The following PTPRD variants were observed in gnomAD, a reference collection of about 807,000 sequenced individuals.
The protein encoded by PTPRD is protein tyrosine phosphatase receptor type D.
A neutral mutation model predicts 214.5 loss-of-function variants in PTPRD; 34 were observed. The ratio of observed to expected loss-of-function variants is 0.16; its 90% confidence interval spans 0.12 to 0.21. PTPRD has a LOEUF of 0.21. Ranked by LOEUF, PTPRD falls within the 10% of genes least tolerant of loss-of-function variation. PTPRD has a pLI of 1.00. For missense variants in PTPRD, 2,545 were observed against 2,398.7 expected, an observed-to-expected ratio of 1.06 and a Z score of -1.27; for synonymous variants, 1,128 against 845.7, an observed-to-expected ratio of 1.33 and a Z score of -5.79.
At chr9:9,815,702 T>A (rs901631833) in intron 5 of PTPRD, among the ~76,000 whole-genome samples, 1 of 152,092 alleles carries the variant, frequency 6.6e-6, no homozygotes, top group Non-Finnish European at 1.5e-5. Flanking sequence ...AAAGTCGAAC[T>A]CTGAAAAGCA....
intron 9 of PTPRD, among the ~76,000 whole-genome samples, chr9:9,265,091 T>C (rs186509949): frequency 6.6e-6 from 1 of 151,826 alleles, no homozygotes; most frequent in East Asian, 2.0e-4. Context: ...TGAAAACATA[T>C]GCAAGTTAAC....
At chr9:10,394,184 A>G (rs1019889699) in intron 2 of PTPRD, among the ~76,000 whole-genome samples, 1 of 140,004 alleles carries the variant, frequency 7.1e-6, no homozygotes, top group Admixed American at 7.1e-5. Context: ...ATATCTATAT[A>G]TAAAGATATA....
chr9:9,080,432 A>G (rs76541075), intron 10 of PTPRD, among the ~76,000 whole-genome samples: 2,189 of 152,246 alleles, frequency 0.014, 40 homozygotes, highest in East Asian at 0.064. Flanking sequence ...TATGTGCCAC[A>G]TATTGTTTGA....
At chr9:8,323,926 A>G (rs755654272) in intron 44 of PTPRD, among the ~76,000 whole-genome samples, 1 of 152,164 alleles carries the variant, frequency 6.6e-6, no homozygotes, top group Non-Finnish European at 1.5e-5. Context: ...TGACTTTGTC[A>G]CTTAGTCACT....
intron 11 of PTPRD, among the ~76,000 whole-genome samples, chr9:8,855,480 T>A (rs1055177656): frequency 7.2e-5 from 11 of 152,164 alleles, no homozygotes; most frequent in Non-Finnish European, 1.5e-4. Context: ...CAATAAAATG[T>A]TTAATTCATC....
intron 9 of PTPRD, among the ~76,000 whole-genome samples, chr9:9,320,449 TAAAG>T (rs2135962362): frequency 6.6e-6 from 1 of 152,284 alleles, no homozygotes; most frequent in Non-Finnish European, 1.5e-5. Context: ...ATTATTAAAA[TAAAG>T]TAAGGAAGAA....
intron 44 of PTPRD, among the ~76,000 whole-genome samples, chr9:8,329,049 C>T (rs1270851071): frequency 6.6e-6 from 1 of 152,066 alleles, no homozygotes; most frequent in Non-Finnish European, 1.5e-5. Flanking sequence ...CAAACTCATT[C>T]TCTGTCCTGT....
At chr9:8,539,482 A>G (rs1389604825) in intron 14 of PTPRD, among the ~76,000 whole-genome samples, 1 of 151,870 alleles carries the variant, frequency 6.6e-6, no homozygotes, top group Non-Finnish European at 1.5e-5. Flanking sequence ...GAAGTTTTAA[A>G]TTTTAAAAAT....
chr9:8,922,305 A>C (rs2098833213), intron 11 of PTPRD, among the ~76,000 whole-genome samples: 1 of 152,154 alleles, frequency 6.6e-6, no homozygotes, highest in Non-Finnish European at 1.5e-5. Flanking sequence ...TTCAGAAGAG[A>C]GCTCACTAGG....
At position 9,036,210 on chromosome 9, in the gene PTPRD, A is replaced by T. The variant is rs199761662; in HGVS notation, c.-142-17475T>A. Among the ~76,000 whole-genome samples the T allele has an allele frequency of 7.2e-3, 293 of 40,438 alleles. 6 individuals are homozygous for T. In the East Asian group the frequency reaches 0.079, roughly 11 times the overall value. The allele number at this position is 40,438 out of a possible 152,430, so 26.5% of individuals were successfully genotyped here. ...CTCATTTGCAAATTTTCAGAAAATT[A>T]AAAAAAAAAAAAAACTTGGCAGGTT... On this transcript the variant is annotated intron_variant, in intron 10 of 45. Transcript: ENST00000381196.
Position 9,742,087 on chromosome 9 carries a change from T to C in PTPRD, c.-325-7516A>G, listed in dbSNP as rs1596475694. 3.9e-5 allele frequency among the ~76,000 whole-genome samples: 6 copies of C among 152,310 alleles called. No individual in the cohort carries two copies. In the South Asian group the frequency reaches 1.2e-3, roughly 32 times the overall value. ...ACTCCCACCAACAGTGTTTTTAATA[T>C]TCGCCATTCTAACTAGTGTGAAATG... On this transcript the variant is annotated intron_variant, in intron 6 of 45. Transcript: ENST00000381196.
chr9:10,314,138 G>T (rs1024700300), intron 3 of PTPRD, among the ~76,000 whole-genome samples: 2 of 151,900 alleles, frequency 1.3e-5, no homozygotes, highest in African/African-American at 4.8e-5. Context: ...TACGAAGCAG[G>T]AAAGAAACAG....
intron 3 of PTPRD, among the ~76,000 whole-genome samples, chr9:10,073,280 C>T (rs886427260): frequency 6.6e-6 from 1 of 151,930 alleles, no homozygotes; most frequent in Non-Finnish European, 1.5e-5. Context: ...ATTCAGGAAA[C>T]AATCTCATTA....
chr9:9,083,819 T>C (rs2099762743), intron 10 of PTPRD, among the ~76,000 whole-genome samples: 1 of 152,096 alleles, frequency 6.6e-6, no homozygotes, highest in Non-Finnish European at 1.5e-5. Flanking sequence ...TCATCACTGG[T>C]TATTACAGTA....
At chr9:9,355,823 A>G (rs987725780) in intron 9 of PTPRD, among the ~76,000 whole-genome samples, 2 of 151,576 alleles carry the variant, frequency 1.3e-5, no homozygotes, top group Non-Finnish European at 3.0e-5. Flanking sequence ...ATAGGTCAGA[A>G]GGATGGTGAA....
chr9:9,929,652 A>C (rs2085667645), intron 5 of PTPRD, among the ~76,000 whole-genome samples: 1 of 152,130 alleles, frequency 6.6e-6, no homozygotes, highest in South Asian at 2.1e-4. Flanking sequence ...TCAGCCTCAC[A>C]AAGTGCTGAG....
chr9:9,608,417 G>A (rs1476939707), intron 7 of PTPRD, among the ~76,000 whole-genome samples: 1 of 152,046 alleles, frequency 6.6e-6, no homozygotes, highest in Admixed American at 6.6e-5. Context: ...TCCAGTAAGG[G>A]AAAATTTCTA....
intron 9 of PTPRD, among the ~76,000 whole-genome samples, chr9:9,305,227 T>G (rs1468080511): frequency 6.6e-6 from 1 of 151,958 alleles, no homozygotes; most frequent in Non-Finnish European, 1.5e-5. Context: ...TAGCTGCAGT[T>G]TCATTTTCTA....
In PTPRD at chr9:9,666,414, G is replaced by A. The variant is rs146424328; in HGVS notation, c.-287+68119C>T. ...AACTTGCAAAATTTGTCTATCTTTC[G>A]TAGAGGAGAATGTTCAACTTCTAAG... On this transcript the variant is annotated intron_variant, in intron 7 of 45. Coordinates refer to ENST00000381196, the MANE Select transcript of PTPRD (RefSeq NM_002839.4). Among the ~76,000 whole-genome samples, 27 of 151,956 alleles carry A rather than the reference G, an allele frequency of 1.8e-4. No homozygotes were observed. The East Asian group carries it at 2.9e-3, about 16-fold the overall frequency.
Sources: allele counts gnomAD v4.1 joint callset (sites outside exome capture counted in the v4.1 genomes callset), GRCh38; gene constraint gnomAD v4.1.1; transcripts MANE v1.5; gene names NCBI Gene and HGNC (gene_info 2026-07-23, HGNC 2026-07-21).